Variants in DDX47 observed in about 807,000 individuals in gnomAD.
The protein encoded by DDX47 is probable ATP-dependent RNA helicase DDX47.
DDX47 carries 60 observed loss-of-function variants against 58.8 expected under a neutral mutation model. The ratio of observed to expected loss-of-function variants is 1.02; its 90% CI spans 0.83 to 1.26. DDX47 has a LOEUF of 1.26. Ranked by LOEUF, DDX47 falls within the 50% of genes most tolerant of loss-of-function variation. The pLI is 0.00. For missense variants in DDX47, 530 were observed against 573.2 expected (o/e 0.92, Z 0.77); for synonymous variants, 197 against 204.6 (o/e 0.96, Z 0.32).
rs116740548 is a variant in DDX47, at chr12:12,821,656, T to C, written c.372T>C (p.Ala124=). 1 of 1,613,886 alleles carries C rather than the reference T, an allele frequency of 6.2e-7. No individual in the cohort carries two copies. Residue 124 remains alanine (A), a splice_region_variant and synonymous_variant, in exon 4 of 12, where the codon GCT becomes GCC. Transcript: ENST00000358007. ...TCTATGTTCTTTTTTTCTCTGTAGCTGTGATTGTAGGTGGAATTGATTCAA... is the reference window on the plus strand; with the variant it reads ...TCTATGTTCTTTTTTTCTCTGTAGCCGTGATTGTAGGTGGAATTGATTCAA... ...ALGSSIGVQS[A]VIVGGIDSMS...
At chr12:12,817,926 C>T (rs1408678981) in intron 2 of DDX47, among the ~76,000 whole-genome samples, 1 of 152,158 alleles carries the variant, frequency 6.6e-6, no homozygotes, top group Non-Finnish European at 1.5e-5. Flanking sequence ...CTAAATCTTT[C>T]TTATGTACTC....
chr12:12,818,995 C>T (rs1862933920), intron 2 of DDX47, among the ~76,000 whole-genome samples: 1 of 152,154 alleles, frequency 6.6e-6, no homozygotes, highest in South Asian at 2.1e-4. Flanking sequence ...CACAGCCAAA[C>T]CATATCACAC....
At chr12:12,823,356 C>T (rs1307106627) in intron 7 of DDX47, 37 bp downstream of exon 7, 2 of 1,197,736 alleles carry the variant, frequency 1.7e-6, no homozygotes, top group Non-Finnish European at 2.5e-6. Flanking sequence ...GCCTCTCCCT[C>T]TTCTTTTCAC....
At chr12:12,827,860 A>C (rs1863076416) in intron 11 of DDX47, among the ~76,000 whole-genome samples, 1 of 149,366 alleles carries the variant, frequency 6.7e-6, no homozygotes, top group Non-Finnish European at 1.5e-5. Flanking sequence ...ACCAAGATCC[A>C]AAACTTTTCT....
chr12:12,827,486 C>T, intron 11 of DDX47, 111 bp downstream of exon 11: 1 of 1,294,798 alleles, frequency 7.7e-7, no homozygotes, highest in South Asian at 1.4e-5. Context: ...TATTTTATTC[C>T]AAATTTAAGA....
intron 9 of DDX47, 102 bp downstream of exon 9, chr12:12,824,779 A>G (rs1863025925): frequency 7.6e-7 from 1 of 1,315,700 alleles, no homozygotes; most frequent in Admixed American, 2.2e-5. Context: ...GTTCCTGGTT[A>G]ATTAAGTATC....
chr12:12,816,861 C>G (rs1164576249), intron 2 of DDX47, among the ~76,000 whole-genome samples: 1 of 152,182 alleles, frequency 6.6e-6, no homozygotes, highest in Non-Finnish European at 1.5e-5. Context: ...ACTTTTCCAG[C>G]TTGCCCTACA....
chr12:12,822,590 C>T, intron 5 of DDX47, 71 bp from the exon 6 acceptor site: 2 of 1,279,404 alleles, frequency 1.6e-6, no homozygotes, highest in Non-Finnish European at 2.3e-6. Flanking sequence ...CTACCTCCTT[C>T]ACTACCTAGA....
intron 1 of DDX47, 62 bp downstream of exon 1, chr12:12,813,516 G>A: frequency 1.4e-6 from 2 of 1,427,040 alleles, no homozygotes; most frequent in Non-Finnish European, 1.9e-6. Context: ...GGAGACCCCA[G>A]GTACCTTAGA....
intron 2 of DDX47, among the ~76,000 whole-genome samples, chr12:12,818,433 A>G (rs1862927256): frequency 6.6e-6 from 1 of 151,998 alleles, no homozygotes; most frequent in Non-Finnish European, 1.5e-5. Context: ...AGGCAGGGGA[A>G]TGGCATGAAC....
Position 12,821,991 on chromosome 12 carries a change from T to C in DDX47, c.469T>C (p.Leu157=), listed in dbSNP as rs1862980853. Residue 157 remains leucine (L), a synonymous_variant, in exon 5 of 12, where the codon TTG becomes CTG. Coordinates refer to ENST00000358007, the MANE Select transcript of DDX47 (RefSeq NM_016355.4). The part of the protein sequence containing the change: ...IATPGRLIDH[L]ENTKGFNLRA... The stretch of plus-strand genomic sequence containing the variant: ...AACTCCTGGTCGACTGATTGACCAC[T>C]TGGAAAATACGAAAGGTTTCAACTT... 2 of 1,613,834 alleles carry C rather than the reference T, an allele frequency of 1.2e-6. No homozygotes were observed. Among genetic ancestry groups the C allele is most frequent in the African/African-American group, 1.3e-5 (1 of 74,914 alleles).
In DDX47 at chr12:12,815,452, T is replaced by G. The variant is rs532294884; in HGVS notation, c.181+1228T>G. Among the ~76,000 whole-genome samples the G allele has an allele frequency of 9.2e-5, 14 of 152,310 alleles. No individual in the cohort carries two copies. In the South Asian group the frequency reaches 2.9e-3, roughly 32 times the overall value. On this transcript the variant is annotated intron_variant, in intron 2 of 11. Transcript: ENST00000358007. The stretch of plus-strand genomic sequence containing the variant: ...ATCTATTAAAGAGATAATTATAAAT[T>G]TATTACAAGTTGAACAGGGACCTAA...
intron 3 of DDX47, 127 bp downstream of exon 3, chr12:12,821,523 A>G: frequency 7.0e-7 from 1 of 1,419,302 alleles, no homozygotes. Context: ...GTTGTATTTG[A>G]GCTTTGGGAA....
chr12:12,827,762 G>C (rs746452910), intron 11 of DDX47, among the ~76,000 whole-genome samples: 2 of 151,964 alleles, frequency 1.3e-5, no homozygotes, highest in Non-Finnish European at 2.9e-5. Context: ...TACCTTATGG[G>C]GTTTTATGAG....
intron 11 of DDX47, among the ~76,000 whole-genome samples, chr12:12,829,191 C>A (rs1592326415): frequency 6.6e-6 from 1 of 152,204 alleles, no homozygotes; most frequent in Non-Finnish European, 1.5e-5. Flanking sequence ...TTACCCTTCT[C>A]TTAAGTCTTT....
In DDX47 at chr12:12,829,354, G is replaced by A. The variant is rs1863097050; in HGVS notation, c.1237-69G>A. The A allele has an allele frequency of 7.9e-6, 12 of 1,526,790 alleles. No individual in the cohort carries two copies. The East Asian group carries it at 2.3e-4, about 29-fold the overall frequency. The allele number at this position is 1,526,790 out of a possible 1,614,324, so 94.6% of individuals were successfully genotyped here. A position where few individuals can be genotyped will look rare whatever the true frequency, so the allele number is the denominator to read the frequency against. On this transcript the variant is annotated intron_variant, in intron 11 of 11. Transcript: ENST00000358007. Reference sequence around the variant, plus strand: ...CTTGATACTTGATCTTAAGGAGAGGGGACTAGAATGAGTAACCTTCAGTGC... The same window carrying A: ...CTTGATACTTGATCTTAAGGAGAGGAGACTAGAATGAGTAACCTTCAGTGC...
At chr12:12,815,047 A>C (rs1231586139) in intron 2 of DDX47, among the ~76,000 whole-genome samples, 3 of 152,170 alleles carry the variant, frequency 2.0e-5, no homozygotes, top group African/African-American at 7.2e-5. Flanking sequence ...CCAACTTTAC[A>C]GGATTAGGGT....
intron 10 of DDX47, among the ~76,000 whole-genome samples, chr12:12,826,871 C>A (rs1188887324): frequency 2.0e-5 from 3 of 152,186 alleles, no homozygotes; most frequent in Non-Finnish European, 2.9e-5. Flanking sequence ...AGTCCTCATA[C>A]CTCAGTCTCC....
At chr12:12,824,086 T>G (rs963729221) in intron 8 of DDX47, 70 bp downstream of exon 8, 7 of 1,544,274 alleles carry the variant, frequency 4.5e-6, no homozygotes, top group Non-Finnish European at 4.4e-6. Flanking sequence ...AACAGTAGGT[T>G]TGTACAATAA....
Sources: gnomAD v4.1 joint callset for allele counts (sites outside exome capture counted in the v4.1 genomes callset) on GRCh38, gnomAD v4.1.1 for gene constraint, MANE v1.5 for transcripts, NCBI Gene and HGNC (gene_info 2026-07-23, HGNC 2026-07-21) for gene names.